The following CUL1 variants were observed in gnomAD, a reference collection of about 807,000 sequenced individuals.
CUL1 encodes the protein cullin-1.
A neutral mutation model predicts 118.0 loss-of-function variants in CUL1; 24 were observed. That is an observed-to-expected ratio of 0.20 (90% CI 0.15 to 0.29). The LOEUF is 0.29. Ranked by LOEUF, CUL1 falls within the 10% of genes least tolerant of loss-of-function variation. CUL1 has a pLI of 1.00. For synonymous variants in CUL1, 332 were observed against 340.4 expected (o/e 0.98, Z 0.27); for missense variants, 361 against 933.8 (o/e 0.39, Z 7.99).
chr7:148,778,098 G>A (rs6957541), intron 9 of CUL1, among the ~76,000 whole-genome samples: 18,262 of 44,556 alleles, frequency 0.41, 3,413 homozygotes, highest in Non-Finnish European at 0.44. Flanking sequence ...AAAAAAAAAA[G>A]AAGAAGAAGA....
chr7:148,707,870 G>T (rs1260115931), intron 1 of CUL1, among the ~76,000 whole-genome samples: 1 of 152,128 alleles, frequency 6.6e-6, no homozygotes, highest in Non-Finnish European at 1.5e-5. Context: ...CCAATTCATG[G>T]TTTCCAGAGG....
intron 2 of CUL1, among the ~76,000 whole-genome samples, chr7:148,745,556 A>G (rs1799286663): frequency 6.6e-6 from 1 of 152,310 alleles, no homozygotes; most frequent in South Asian, 2.1e-4. Flanking sequence ...GTACTTCGGT[A>G]CATTTAAAAT....
chr7:148,711,370 G>A (rs569724262), intron 1 of CUL1, among the ~76,000 whole-genome samples: 4 of 152,274 alleles, frequency 2.6e-5, no homozygotes, highest in Non-Finnish European at 5.9e-5. Context: ...CCACAGGTGC[G>A]GTGGGTGACA....
chr7:148,769,531 T>C (rs1243653814), intron 9 of CUL1, among the ~76,000 whole-genome samples: 1 of 152,028 alleles, frequency 6.6e-6, no homozygotes, highest in East Asian at 1.9e-4. Flanking sequence ...TTCCCAGTTG[T>C]TGATTCAGAA....
chr7:148,728,806 C>G (rs1200594083), intron 1 of CUL1, among the ~76,000 whole-genome samples: 1 of 152,146 alleles, frequency 6.6e-6, no homozygotes, highest in African/African-American at 2.4e-5. Context: ...CTCACAGGGT[C>G]CCTAAATGTG....
chr7:148,752,638 A>G (rs1237785957), intron 2 of CUL1, among the ~76,000 whole-genome samples: 1 of 152,060 alleles, frequency 6.6e-6, no homozygotes, highest in Non-Finnish European at 1.5e-5. Flanking sequence ...ATCTTAATCT[A>G]CAATTTTGAA....
At chr7:148,703,811 G>A (rs1187317757) in intron 1 of CUL1, among the ~76,000 whole-genome samples, 7 of 152,112 alleles carry the variant, frequency 4.6e-5, no homozygotes, top group Admixed American at 6.5e-5. Flanking sequence ...GATTACAGGC[G>A]TGAGCCACTG....
chr7:148,790,738 T>C (rs962131782), intron 16 of CUL1, among the ~76,000 whole-genome samples: 1 of 152,198 alleles, frequency 6.6e-6, no homozygotes, highest in Non-Finnish European at 1.5e-5. Context: ...AGTAAGTGTT[T>C]GGCACCGCTC....
intron 2 of CUL1, among the ~76,000 whole-genome samples, chr7:148,736,187 GACAA>G (rs1167845235): frequency 6.6e-6 from 1 of 152,170 alleles, no homozygotes; most frequent in Non-Finnish European, 1.5e-5. Flanking sequence ...CTATCAGGTT[GACAA>G]ACATTGTTAA....
intron 1 of CUL1, among the ~76,000 whole-genome samples, chr7:148,705,776 A>G (rs141451260): frequency 1.1e-4 from 17 of 152,288 alleles, no homozygotes; most frequent in Non-Finnish European, 1.9e-4. Flanking sequence ...CCCCTCCCCA[A>G]ACTTCAAGCT....
At chr7:148,725,219 G>GCACGCACACACACACACACA in intron 1 of CUL1, among the ~76,000 whole-genome samples, 10 of 140,150 alleles carry the variant, frequency 7.1e-5, no homozygotes, top group African/African-American at 2.8e-4. Flanking sequence ...ACACGCGCGC[G>GCACGCACACACACACACACA]CTCACACACA....
At chr7:148,789,550 G>A (rs1472148543) in intron 14 of CUL1, among the ~76,000 whole-genome samples, 200 bp from the exon 15 acceptor site, 1 of 152,182 alleles carries the variant, frequency 6.6e-6, no homozygotes, top group Non-Finnish European at 1.5e-5. Context: ...GAAGAAAAGA[G>A]TATCTGGCTC....
intron 9 of CUL1, among the ~76,000 whole-genome samples, chr7:148,768,105 A>G (rs6952927): frequency 0.024 from 3,604 of 152,128 alleles, 135 homozygotes; most frequent in African/African-American, 0.083. Flanking sequence ...GCCTTACAGG[A>G]ACTTTGATCT....
chr7:148,751,983 G>T (rs567681676), intron 2 of CUL1, among the ~76,000 whole-genome samples: 1 of 152,010 alleles, frequency 6.6e-6, no homozygotes. Context: ...GCGTGGTGGC[G>T]CCTGCCTGTA....
chr7:148,752,627 C>A (rs1799525656), intron 2 of CUL1, among the ~76,000 whole-genome samples: 1 of 151,986 alleles, frequency 6.6e-6, no homozygotes, highest in Admixed American at 6.6e-5. Flanking sequence ...TAAGGTATTT[C>A]ATCTTAATCT....
Position 148,800,779 on chromosome 7 carries a change from C to T in CUL1, c.*197C>T, listed in dbSNP as rs530858872. On this transcript the variant is annotated 3_prime_UTR_variant, in exon 22 of 22. Coordinates refer to ENST00000325222, the MANE Select transcript of CUL1 (RefSeq NM_003592.3). This position sits in a 1 kb window ranked among gnomAD's most constrained non-coding sequence, Gnocchi z 4.6. Reference sequence around the variant, plus strand: ...TTGATACATTTCAAGTCTGTAAATACGGACACCAACGCCATTTACCCTAAT... The same window carrying T: ...TTGATACATTTCAAGTCTGTAAATATGGACACCAACGCCATTTACCCTAAT... 1.0e-4 allele frequency: 53 copies of T among 521,526 alleles called. No individual in the cohort carries two copies. The highest frequency in any genetic ancestry group is 1.5e-4 in the Non-Finnish European group (43 of 292,938). 32.3% of individuals were successfully genotyped at this position (521,526 alleles called of 1,614,324 possible).
chr7:148,735,751 C>A (rs1056742762), intron 2 of CUL1, among the ~76,000 whole-genome samples: 1 of 152,082 alleles, frequency 6.6e-6, no homozygotes, highest in African/African-American at 2.4e-5. Flanking sequence ...TGTAATCTAT[C>A]CTTCTCGTGT....
At chr7:148,718,564 T>TA (rs1798290554) in intron 1 of CUL1, among the ~76,000 whole-genome samples, 1 of 152,136 alleles carries the variant, frequency 6.6e-6, no homozygotes, top group Non-Finnish European at 1.5e-5. Flanking sequence ...ATTTTTTTTT[T>TA]ATTGCCAAAT....
chr7:148,731,715 A>G (rs1054707603), intron 2 of CUL1, among the ~76,000 whole-genome samples: 1 of 152,210 alleles, frequency 6.6e-6, no homozygotes, highest in South Asian at 2.1e-4. Flanking sequence ...GGCCCTGGCA[A>G]CTACTCATTT....
Sources: allele counts gnomAD v4.1 joint callset (sites outside exome capture counted in the v4.1 genomes callset), GRCh38; gene constraint gnomAD v4.1.1; non-coding constraint Gnocchi (gnomAD v3.1); transcripts MANE v1.5; gene names NCBI Gene and HGNC (gene_info 2026-07-23, HGNC 2026-07-21).